Variants in CSMD1 observed in about 807,000 individuals in gnomAD.
CSMD1 encodes the protein CUB and sushi domain-containing protein 1.
In CSMD1, 213 loss-of-function variants were observed where a neutral mutation model predicts 417.5. The observed-to-expected ratio is 0.51, with a 90% confidence interval of 0.46 to 0.57. The LOEUF (loss-of-function observed/expected upper bound fraction) is 0.57. Among genes scored for constraint, CSMD1 ranks in the 20% least tolerant of loss-of-function variants. CSMD1 has a pLI of 0.00. For missense variants in CSMD1, 6,923 were observed against 4,529.7 expected, an observed-to-expected ratio of 1.53 and a Z score of -15.17; for synonymous variants, 2,862 against 1,736.8, an observed-to-expected ratio of 1.65 and a Z score of -16.11.
chr8:4,180,637 AAAAGAAGTTCTAATCC>A (rs1295256916), intron 3 of CSMD1, among the ~76,000 whole-genome samples: 4 of 152,154 alleles, frequency 2.6e-5, no homozygotes, highest in Admixed American at 2.6e-4. Flanking sequence ...AAAACAAAAC[AAAAGAAGTTCTAATCC>A]TGCCCTGCCA....
intron 7 of CSMD1, among the ~76,000 whole-genome samples, chr8:3,682,835 A>C (rs1262770742): frequency 3.9e-5 from 6 of 152,364 alleles, no homozygotes; most frequent in Non-Finnish European, 1.5e-5. Context: ...AATGTGGCAC[A>C]TATACACCAT....
intron 10 of CSMD1, among the ~76,000 whole-genome samples, chr8:3,525,287 C>T (rs896881246): frequency 1.3e-5 from 2 of 152,132 alleles, no homozygotes; most frequent in Admixed American, 6.5e-5. Flanking sequence ...TTCAAAGCAA[C>T]AGACCAGGTT....
chr8:3,458,466 C>G (rs1285597146), intron 12 of CSMD1, among the ~76,000 whole-genome samples: 1 of 152,136 alleles, frequency 6.6e-6, no homozygotes, highest in Non-Finnish European at 1.5e-5. Context: ...GTCAGCATAT[C>G]TTCATACAAA....
chr8:3,997,263 AC>A (rs1204958159), intron 5 of CSMD1, among the ~76,000 whole-genome samples: 1 of 152,210 alleles, frequency 6.6e-6, no homozygotes, highest in East Asian at 1.9e-4. Flanking sequence ...CACAAACGAT[AC>A]TATTCTTGCA....
intron 1 of CSMD1, among the ~76,000 whole-genome samples, chr8:4,723,295 C>G (rs752266748): frequency 3.4e-4 from 51 of 152,236 alleles, no homozygotes; most frequent in South Asian, 2.1e-4. Context: ...TGGGAATCAT[C>G]CAATTACTAC....
intron 10 of CSMD1, among the ~76,000 whole-genome samples, chr8:3,568,638 G>C (rs1213621950): frequency 6.6e-6 from 1 of 152,044 alleles, no homozygotes; most frequent in African/African-American, 2.4e-5. Context: ...CTATATAACA[G>C]AAACTTTTAA....
At chr8:4,720,792 G>A (rs1306393056) in intron 1 of CSMD1, among the ~76,000 whole-genome samples, 3 of 152,068 alleles carry the variant, frequency 2.0e-5, no homozygotes, top group African/African-American at 7.2e-5. Context: ...TTGTGACTTA[G>A]AATTCCATCT....
intron 3 of CSMD1, among the ~76,000 whole-genome samples, chr8:4,255,098 G>T (rs568976282): frequency 2.0e-5 from 3 of 151,936 alleles, no homozygotes; most frequent in Non-Finnish European, 4.4e-5. Context: ...TTAACCCCTC[G>T]GTCTCTCTAC....
intron 1 of CSMD1, among the ~76,000 whole-genome samples, chr8:4,816,327 G>C (rs1186639816): frequency 6.6e-6 from 1 of 152,062 alleles, no homozygotes; most frequent in Non-Finnish European, 1.5e-5. Context: ...TGGGATTACA[G>C]GCAAGCATCA....
At chr8:4,870,623 G>A (rs537561373) in intron 1 of CSMD1, among the ~76,000 whole-genome samples, 1 of 152,186 alleles carries the variant, frequency 6.6e-6, no homozygotes, top group East Asian at 1.9e-4. Context: ...TTATTAGGAG[G>A]TAAAATCCCA....
At chr8:4,534,029 G>C (rs1348579996) in intron 2 of CSMD1, among the ~76,000 whole-genome samples, 5 of 151,682 alleles carry the variant, frequency 3.3e-5, no homozygotes, top group Admixed American at 2.0e-4. Context: ...AAACAGAACA[G>C]TCTTCCAATT....
chr8:3,626,166 C>G (rs1019670377), intron 7 of CSMD1, among the ~76,000 whole-genome samples: 1 of 152,164 alleles, frequency 6.6e-6, no homozygotes, highest in East Asian at 1.9e-4. Context: ...AGCGACGTCT[C>G]TATGCCTCCG....
At chr8:4,124,543 A>T (rs1223663520) in intron 3 of CSMD1, among the ~76,000 whole-genome samples, 1 of 152,174 alleles carries the variant, frequency 6.6e-6, no homozygotes, top group African/African-American at 2.4e-5. Context: ...GAGAACTTAC[A>T]GAAGCTTTGT....
chr8:4,938,907 C>T (rs368189972), intron 1 of CSMD1, among the ~76,000 whole-genome samples: 2 of 152,156 alleles, frequency 1.3e-5, no homozygotes, highest in South Asian at 2.1e-4. Context: ...CGTTGAACCT[C>T]TTTTCATATA....
At chr8:3,469,424 A>T (rs188373599) in intron 11 of CSMD1, among the ~76,000 whole-genome samples, 1 of 152,166 alleles carries the variant, frequency 6.6e-6, no homozygotes, top group Non-Finnish European at 1.5e-5. Flanking sequence ...CATTTATTGA[A>T]CACTCCCCCC....
chr8:3,101,084 A>T (rs1333955865), intron 46 of CSMD1, among the ~76,000 whole-genome samples: 1 of 150,542 alleles, frequency 6.6e-6, no homozygotes, highest in Non-Finnish European at 1.5e-5. Flanking sequence ...AAAGAAATGA[A>T]TATTCTAAAA....
At chr8:4,538,331 T>G (rs1363593589) in intron 2 of CSMD1, among the ~76,000 whole-genome samples, 3 of 152,130 alleles carry the variant, frequency 2.0e-5, no homozygotes, top group Admixed American at 1.3e-4. Flanking sequence ...GTTCATATTT[T>G]CTCTTCAGGT....
intron 1 of CSMD1, among the ~76,000 whole-genome samples, chr8:4,676,391 G>C (rs1805683447): frequency 6.6e-6 from 1 of 152,148 alleles, no homozygotes; most frequent in South Asian, 2.1e-4. Context: ...CCTTGACTTT[G>C]ACTTCCCCAT....
intron 5 of CSMD1, among the ~76,000 whole-genome samples, chr8:3,995,763 A>G (rs927516394): frequency 6.6e-6 from 1 of 152,220 alleles, no homozygotes; most frequent in South Asian, 2.1e-4. Context: ...TCCCAAGAAT[A>G]CAAGTATAAA....
Sources: gnomAD v4.1 joint callset for allele counts (sites outside exome capture counted in the v4.1 genomes callset) on GRCh38, gnomAD v4.1.1 for gene constraint, MANE v1.5 for transcripts, NCBI Gene and HGNC (gene_info 2026-07-23, HGNC 2026-07-21) for gene names.